Variants in CDH8 observed in about 807,000 individuals in gnomAD.
CDH8 encodes the protein cadherin 8.
A neutral mutation model predicts 68.1 loss-of-function variants in CDH8; 17 were observed. The ratio of observed to expected loss-of-function variants is 0.25; its 90% CI spans 0.17 to 0.37. The LOEUF (loss-of-function observed/expected upper bound fraction) is 0.37, where lower values mean the gene tolerates loss of function less well. Ranked by LOEUF, CDH8 falls within the 10% of genes least tolerant of loss-of-function variation. The probability of loss-of-function intolerance (pLI) is 1.00; values close to 1 mark genes in which losing one functional copy is unlikely to be tolerated. For missense variants in CDH8, 763 were observed against 999.3 expected (o/e 0.76, Z 3.19); for synonymous variants, 372 against 365.1 (o/e 1.02, Z -0.21).
intron 2 of CDH8, among the ~76,000 whole-genome samples, chr16:62,000,571 T>C (rs1278824775): frequency 6.6e-6 from 1 of 152,230 alleles, no homozygotes; most frequent in Admixed American, 6.5e-5. Context: ...GATGGTTTTA[T>C]AAGTTCTAAC....
chr16:61,717,939 C>A (rs922475759), intron 9 of CDH8, among the ~76,000 whole-genome samples: 1 of 151,240 alleles, frequency 6.6e-6, no homozygotes, highest in African/African-American at 2.4e-5. Context: ...GTATTATATA[C>A]ATTCAAATTA....
intron 10 of CDH8, among the ~76,000 whole-genome samples, chr16:61,711,115 C>T (rs1167620366): frequency 6.6e-6 from 1 of 151,740 alleles, no homozygotes; most frequent in Admixed American, 6.6e-5. Flanking sequence ...AAATATGATT[C>T]TCATATATTT....
At position 61,653,260 on chromosome 16, in the gene CDH8, T is replaced by TAAGA; in HGVS notation, c.*344_*347dup. The TAAGA allele has an allele frequency of 8.5e-7, 1 of 1,171,770 alleles. No individual in the cohort carries two copies. 72.6% of individuals were successfully genotyped at this position (1,171,770 alleles called of 1,614,324 possible). On this transcript the variant is annotated 3_prime_UTR_variant, in exon 12 of 12. Transcript: ENST00000577390. ...CCTTGCAGGTCCGTATTTTTTTTTC[T>TAAGA]AAGAAAGCACCTTTTAATTATGATT...
chr16:61,943,921 G>C (rs1390738601), intron 2 of CDH8, among the ~76,000 whole-genome samples: 1 of 152,198 alleles, frequency 6.6e-6, no homozygotes, highest in Non-Finnish European at 1.5e-5. Flanking sequence ...GTCAACAAAA[G>C]AAGGGAATCA....
chr16:61,995,468 C>A (rs1737369995), intron 2 of CDH8, among the ~76,000 whole-genome samples: 1 of 152,102 alleles, frequency 6.6e-6, no homozygotes, highest in Non-Finnish European at 1.5e-5. Flanking sequence ...ACCTCAGCCT[C>A]CCAGGTTCAA....
chr16:61,875,191 T>G (rs1328002834), intron 3 of CDH8, among the ~76,000 whole-genome samples: 2 of 152,176 alleles, frequency 1.3e-5, no homozygotes, highest in Non-Finnish European at 2.9e-5. Context: ...TTACTTTTTT[T>G]TTTCACATAA....
chr16:62,023,839 TACTCC>T (rs2150615635), intron 1 of CDH8, among the ~76,000 whole-genome samples: 1 of 152,268 alleles, frequency 6.6e-6, no homozygotes, highest in African/African-American at 2.4e-5. Flanking sequence ...AGTTCTCCCC[TACTCC>T]ATGATAGACC....
Position 61,937,231 on chromosome 16 carries a change from A to C in CDH8, c.253-35758T>G, listed in dbSNP as rs75748453. Among the ~76,000 whole-genome samples the C allele has an allele frequency of 2.3e-3, 355 of 152,304 alleles. 1 individual carries two copies. The highest frequency in any genetic ancestry group is 3.9e-3 in the Non-Finnish European group (263 of 68,018). ...ACTTATACATTTGAAACTTTAAAAC[A>C]TGGTTCTAGAGCTATAGTTCTCAAA... On this transcript the variant is annotated intron_variant, in intron 2 of 11. Transcript: ENST00000577390.
chr16:61,689,327 A>G (rs1037561121), intron 10 of CDH8, among the ~76,000 whole-genome samples: 6 of 151,884 alleles, frequency 4.0e-5, no homozygotes, highest in African/African-American at 1.4e-4. Flanking sequence ...GAACAATAAT[A>G]CCTCTTTTGT....
chr16:61,663,713 A>G (rs1413023347), intron 10 of CDH8, among the ~76,000 whole-genome samples: 7 of 152,012 alleles, frequency 4.6e-5, no homozygotes, highest in Non-Finnish European at 2.9e-5. Context: ...ATGAATATCT[A>G]TCTGTCTGTC....
chr16:61,946,784 T>C (rs1964809083), intron 2 of CDH8, among the ~76,000 whole-genome samples: 1 of 152,208 alleles, frequency 6.6e-6, no homozygotes, highest in Non-Finnish European at 1.5e-5. Context: ...CTTGCCCAAG[T>C]AGACACTGCC....
chr16:61,740,830 G>T (rs1391069366), intron 8 of CDH8, among the ~76,000 whole-genome samples: 1 of 151,848 alleles, frequency 6.6e-6, no homozygotes, highest in Admixed American at 6.6e-5. Flanking sequence ...ATGCTATTTT[G>T]AATTTCACTA....
chr16:61,768,189 G>A (rs1960643697), intron 8 of CDH8, among the ~76,000 whole-genome samples: 1 of 151,882 alleles, frequency 6.6e-6, no homozygotes, highest in Non-Finnish European at 1.5e-5. Flanking sequence ...AAAACATGGA[G>A]TTAAAGCCAT....
At chr16:61,822,909 A>G (rs1402351359) in intron 5 of CDH8, among the ~76,000 whole-genome samples, 6 of 151,922 alleles carry the variant, frequency 3.9e-5, no homozygotes, top group Admixed American at 3.9e-4. Flanking sequence ...CCTCATCTCT[A>G]TCAGTGTGAT....
chr16:61,990,978 AAAGG>A (rs1398450429), intron 2 of CDH8, among the ~76,000 whole-genome samples: 1 of 151,786 alleles, frequency 6.6e-6, no homozygotes, highest in Non-Finnish European at 1.5e-5. Context: ...AAAGAGAAAG[AAAGG>A]AAGGAAGAAA....
At chr16:61,877,327 A>G (rs1180775939) in intron 3 of CDH8, among the ~76,000 whole-genome samples, 1 of 151,932 alleles carries the variant, frequency 6.6e-6, no homozygotes, top group South Asian at 2.1e-4. Context: ...GAAGGTTTCT[A>G]GGCATTTGCT....
intron 3 of CDH8, among the ~76,000 whole-genome samples, chr16:61,871,332 T>C (rs1963358016): frequency 6.7e-6 from 1 of 149,856 alleles, no homozygotes. Flanking sequence ...AGGTGTGTAA[T>C]CCCACCATGG....
chr16:62,002,828 C>T (rs914564972), intron 2 of CDH8, among the ~76,000 whole-genome samples: 23 of 151,998 alleles, frequency 1.5e-4, no homozygotes, highest in Non-Finnish European at 2.2e-4. Flanking sequence ...CCGAGGTGGG[C>T]GGATCACGAG....
intron 8 of CDH8, among the ~76,000 whole-genome samples, chr16:61,781,178 C>T (rs1283816751): frequency 2.0e-5 from 3 of 152,176 alleles, no homozygotes; most frequent in Non-Finnish European, 2.9e-5. Flanking sequence ...TGGGATTTCT[C>T]AAAAATGAGT....
Sources: gnomAD v4.1 joint callset for allele counts (sites outside exome capture counted in the v4.1 genomes callset) on GRCh38, gnomAD v4.1.1 for gene constraint, MANE v1.5 for transcripts, NCBI Gene and HGNC (gene_info 2026-07-23, HGNC 2026-07-21) for gene names.